Variants in RALYL observed in about 807,000 individuals in gnomAD.
RALYL encodes RNA-binding Raly-like protein.
Under a neutral mutation model 35.1 loss-of-function variants are expected in RALYL, and 29 were observed. The observed-to-expected ratio is 0.83, with a 90% CI of 0.61 to 1.13. RALYL has a LOEUF of 1.13. Ranked by LOEUF, RALYL falls within the 50% of genes most tolerant of loss-of-function variation. RALYL has a pLI of 0.00. For missense variants in RALYL, 359 were observed against 360.4 expected, an observed-to-expected ratio of 1.00 and a Z score of 0.03; for synonymous variants, 120 against 127.6, an observed-to-expected ratio of 0.94 and a Z score of 0.40.
At chr8:84,552,346 ATATATATATATATTT>A (rs1205084559) in intron 2 of RALYL, among the ~76,000 whole-genome samples, 3 of 68,936 alleles carry the variant, frequency 4.4e-5, no homozygotes, top group African/African-American at 2.3e-4. Context: ...GTGTATATAT[ATATATATATATATTT>A]TTTTTTTTTT....
At chr8:84,911,856 A>G (rs1847566029) in intron 8 of RALYL, among the ~76,000 whole-genome samples, 1 of 152,114 alleles carries the variant, frequency 6.6e-6, no homozygotes, top group Non-Finnish European at 1.5e-5. Flanking sequence ...ACAAAATTAT[A>G]AACAATACAG....
intron 1 of RALYL, among the ~76,000 whole-genome samples, chr8:84,274,276 G>A (rs1415911242): frequency 6.6e-6 from 1 of 151,984 alleles, no homozygotes; most frequent in Non-Finnish European, 1.5e-5. Flanking sequence ...CCCTTAATAT[G>A]TTTCTAATGT....
intron 1 of RALYL, among the ~76,000 whole-genome samples, chr8:84,410,553 T>C (rs1049177086): frequency 1.3e-5 from 2 of 151,940 alleles, no homozygotes; most frequent in Non-Finnish European, 2.9e-5. Context: ...TTTCCAAATA[T>C]AAACTGGTAA....
At chr8:84,842,095 A>G (rs896135481) in intron 4 of RALYL, among the ~76,000 whole-genome samples, 8 of 152,038 alleles carry the variant, frequency 5.3e-5, no homozygotes, top group African/African-American at 7.2e-5. Context: ...AAAGCTAGCA[A>G]AAGGCAAGAA....
intron 2 of RALYL, among the ~76,000 whole-genome samples, chr8:84,696,544 T>C (rs1423165721): frequency 2.6e-5 from 4 of 151,998 alleles, no homozygotes; most frequent in Admixed American, 6.6e-5. Flanking sequence ...CCTCTAATGA[T>C]TCATTTAAGT....
intron 4 of RALYL, among the ~76,000 whole-genome samples, chr8:84,836,599 T>G (rs1347981307): frequency 6.6e-6 from 1 of 152,214 alleles, no homozygotes; most frequent in Non-Finnish European, 1.5e-5. Context: ...AAGTAAAAAT[T>G]TATATGTATT....
intron 5 of RALYL, 110 bp from the exon 6 acceptor site, chr8:84,862,186 G>A: frequency 5.4e-6 from 5 of 930,662 alleles, no homozygotes; most frequent in Non-Finnish European, 7.5e-6. Context: ...GCAGCAGAAA[G>A]AAAACATTTA....
At chr8:84,467,562 AG>A (rs2051894749) in intron 1 of RALYL, among the ~76,000 whole-genome samples, 3 of 149,702 alleles carry the variant, frequency 2.0e-5, no homozygotes. Context: ...TTTACTTCCA[AG>A]TATGTGGTCA....
intron 4 of RALYL, among the ~76,000 whole-genome samples, chr8:84,807,968 C>A (rs1160661173): frequency 6.6e-6 from 1 of 152,170 alleles, no homozygotes; most frequent in Non-Finnish European, 1.5e-5. Context: ...TGTGGGTTGT[C>A]TGTTCACTCT....
At chr8:84,910,694 A>G (rs913077232) in intron 8 of RALYL, among the ~76,000 whole-genome samples, 6 of 152,066 alleles carry the variant, frequency 3.9e-5, no homozygotes. Context: ...ATTGCACTTC[A>G]GTCCTCTGAA....
At chr8:84,421,582 A>G (rs2045610190) in intron 1 of RALYL, among the ~76,000 whole-genome samples, 5 of 130,302 alleles carry the variant, frequency 3.8e-5, no homozygotes, top group East Asian at 2.2e-4. Flanking sequence ...TTCCAACACT[A>G]TGTTGAATAG....
chr8:84,296,594 A>C (rs562576639), intron 1 of RALYL, among the ~76,000 whole-genome samples: 1 of 145,712 alleles, frequency 6.9e-6, no homozygotes, highest in South Asian at 2.2e-4. Flanking sequence ...CCTATTCCCT[A>C]GAGCAGGAGA....
At chr8:84,405,071 C>T (rs901134759) in intron 1 of RALYL, among the ~76,000 whole-genome samples, 2 of 152,052 alleles carry the variant, frequency 1.3e-5, no homozygotes, top group Non-Finnish European at 2.9e-5. Context: ...CACTGAAAAC[C>T]ACACAACTAC....
At chr8:84,816,861 AAT>A (rs1827428634) in intron 4 of RALYL, among the ~76,000 whole-genome samples, 2 of 152,166 alleles carry the variant, frequency 1.3e-5, no homozygotes, top group Admixed American at 6.6e-5. Context: ...CCTGTGTGAA[AAT>A]ATCTCATGTA....
At chr8:84,601,685 G>A (rs1017634308) in intron 2 of RALYL, among the ~76,000 whole-genome samples, 1 of 151,576 alleles carries the variant, frequency 6.6e-6, no homozygotes, top group African/African-American at 2.4e-5. Context: ...ACATAGCATA[G>A]CCAGCAGCTG....
At chr8:84,567,208 T>C (rs2061840547) in intron 2 of RALYL, among the ~76,000 whole-genome samples, 1 of 151,802 alleles carries the variant, frequency 6.6e-6, no homozygotes, top group Admixed American at 6.6e-5. Context: ...TCAGTTCATA[T>C]TAACTTTTAA....
intron 2 of RALYL, among the ~76,000 whole-genome samples, chr8:84,721,763 G>A (rs1475720642): frequency 1.3e-5 from 2 of 152,100 alleles, no homozygotes; most frequent in Non-Finnish European, 2.9e-5. Context: ...ATCTATGAAA[G>A]TTAAGACTTC....
chr8:84,399,007 A>T (rs2042627203), intron 1 of RALYL, among the ~76,000 whole-genome samples: 1 of 151,002 alleles, frequency 6.6e-6, no homozygotes, highest in Admixed American at 6.6e-5. Flanking sequence ...TATGCAAAGA[A>T]ATCTTATTAT....
chr8:84,736,468 G>A (rs539038285), intron 2 of RALYL, among the ~76,000 whole-genome samples: 1 of 152,032 alleles, frequency 6.6e-6, no homozygotes, highest in Admixed American at 6.6e-5. Context: ...GGTTGAAAAA[G>A]TTTCATGAGA....
Sources: allele counts gnomAD v4.1 joint callset (sites outside exome capture counted in the v4.1 genomes callset), GRCh38; gene constraint gnomAD v4.1.1; transcripts MANE v1.5; gene names NCBI Gene and HGNC (gene_info 2026-07-23, HGNC 2026-07-21).